Variants in EXOC6B observed in about 807,000 individuals in gnomAD.
EXOC6B encodes SEC15 homolog B.
EXOC6B carries 54 observed loss-of-function variants against 113.5 expected under a neutral mutation model. The ratio of observed to expected loss-of-function variants is 0.48; its 90% CI spans 0.38 to 0.60. The LOEUF (loss-of-function observed/expected upper bound fraction) is 0.60, where lower values mean the gene tolerates loss of function less well. EXOC6B is among the 20% of genes least tolerant of loss of function. EXOC6B has a pLI of 0.00. For synonymous variants in EXOC6B, 357 were observed against 339.0 expected, an observed-to-expected ratio of 1.05 and a Z score of -0.58; for missense variants, 797 against 977.5, an observed-to-expected ratio of 0.82 and a Z score of 2.46.
intron 19 of EXOC6B, among the ~76,000 whole-genome samples, chr2:72,346,076 T>C (rs7559116): frequency 0.21 from 32,270 of 151,934 alleles, 6,533 homozygotes; most frequent in African/African-American, 0.54. Context: ...CAAAGGTTTT[T>C]TTTTTAATAG....
chr2:72,758,096 G>C (rs542027375), intron 1 of EXOC6B, among the ~76,000 whole-genome samples: 1 of 150,032 alleles, frequency 6.7e-6, no homozygotes, highest in East Asian at 2.0e-4. Flanking sequence ...CTTACAGGTC[G>C]AGGCTGCAGT....
chr2:72,486,120 A>G (rs1262386499), intron 16 of EXOC6B, among the ~76,000 whole-genome samples: 2 of 152,198 alleles, frequency 1.3e-5, no homozygotes, highest in African/African-American at 4.8e-5. Context: ...CTGTAATCCC[A>G]GCACTTTGGG....
chr2:72,730,381 G>T (rs1680559166), intron 5 of EXOC6B, among the ~76,000 whole-genome samples: 1 of 152,106 alleles, frequency 6.6e-6, no homozygotes, highest in South Asian at 2.1e-4. Flanking sequence ...ACCTTAATAG[G>T]AAAAAGGCTG....
Position 72,178,514 on chromosome 2 carries a change from A to G in EXOC6B, c.*821T>C, listed in dbSNP as rs575413861. 6.6e-6 allele frequency: 1 copy of G among 151,974 alleles called. No individual in the cohort carries two copies. The highest frequency in any genetic ancestry group is 1.9e-4 in the East Asian group (1 of 5,184). 9.4% of individuals were successfully genotyped at this position (151,974 alleles called of 1,614,324 possible). On this transcript the variant is annotated 3_prime_UTR_variant, in exon 22 of 22. Transcript: ENST00000272427. Reference sequence around the variant, plus strand: ...GTCCTGAACCAAGTGCTCTGACTGTAAGTGAAGGAAATGAGATGAACAGGG... The same window carrying G: ...GTCCTGAACCAAGTGCTCTGACTGTGAGTGAAGGAAATGAGATGAACAGGG...
At chr2:72,230,216 T>C (rs1681531344) in intron 20 of EXOC6B, among the ~76,000 whole-genome samples, 1 of 152,218 alleles carries the variant, frequency 6.6e-6, no homozygotes, top group African/African-American at 2.4e-5. Flanking sequence ...ATTTATTTAC[T>C]ATGGAACTCC....
At chr2:72,756,483 T>A (rs949232698) in intron 1 of EXOC6B, among the ~76,000 whole-genome samples, 2 of 152,172 alleles carry the variant, frequency 1.3e-5, no homozygotes, top group African/African-American at 4.8e-5. Context: ...TACCAACTCA[T>A]ATGAAAAGCA....
rs566888275 is a variant in EXOC6B at position 72,385,546 on chromosome 2, G to C, written c.1981-5676C>G. ...CATCAAACTAAAAAGCTTCAGGACAGCAAAGGAAACAATCAAAAGTGTGAA... is the reference window on the plus strand; with the variant it reads ...CATCAAACTAAAAAGCTTCAGGACACCAAAGGAAACAATCAAAAGTGTGAA... On this transcript the variant is annotated intron_variant, in intron 18 of 21. Coordinates refer to ENST00000272427, the MANE Select transcript of EXOC6B (RefSeq NM_015189.3). Among the ~76,000 whole-genome samples the C allele has an allele frequency of 7.1e-4, 108 of 151,770 alleles. 1 individual carries two copies. Among genetic ancestry groups the C allele is most frequent in the Admixed American group, 1.2e-3 (19 of 15,226 alleles).
chr2:72,236,773 A>G (rs1254143433), intron 20 of EXOC6B, among the ~76,000 whole-genome samples: 2 of 152,064 alleles, frequency 1.3e-5, no homozygotes, highest in African/African-American at 4.8e-5. Context: ...TAGTGGGACA[A>G]GCAAAGAGGG....
At chr2:72,562,231 T>A (rs1364724348) in intron 7 of EXOC6B, among the ~76,000 whole-genome samples, 1 of 152,040 alleles carries the variant, frequency 6.6e-6, no homozygotes, top group Non-Finnish European at 1.5e-5. Flanking sequence ...GCAACATACA[T>A]TGGATGTGAA....
chr2:72,572,369 T>C lies in EXOC6B; in HGVS notation c.846+3123A>G, dbSNP rs534862351. On this transcript the variant is annotated intron_variant, in intron 7 of 21. Coordinates refer to ENST00000272427, the MANE Select transcript of EXOC6B (RefSeq NM_015189.3). Reference sequence around the variant, plus strand: ...CTTCCCAGGTGATTCCCATGCACATTAAATGTCAAGAAACATTGTTGGACA... The same window carrying C: ...CTTCCCAGGTGATTCCCATGCACATCAAATGTCAAGAAACATTGTTGGACA... Among the ~76,000 whole-genome samples, 6 of 152,290 alleles carry C rather than the reference T, an allele frequency of 3.9e-5. No individual in the cohort carries two copies. In the South Asian group the frequency reaches 1.0e-3, roughly 26 times the overall value.
At chr2:72,464,726 C>A in intron 18 of EXOC6B, 1 of 164,072 alleles carries the variant, frequency 6.1e-6, no homozygotes, top group Non-Finnish European at 1.3e-5. Context: ...AATTAATATG[C>A]TTAAGAAAAC....
chr2:72,723,398 T>A (rs184802916), intron 5 of EXOC6B, among the ~76,000 whole-genome samples: 31 of 152,222 alleles, frequency 2.0e-4, no homozygotes, highest in Admixed American at 1.7e-3. Context: ...ATAACAGACA[T>A]GGTTGAATGC....
chr2:72,499,842 G>T, intron 12 of EXOC6B, 59 bp downstream of exon 12: 1 of 1,216,104 alleles, frequency 8.2e-7, no homozygotes, highest in Non-Finnish European at 1.2e-6. Context: ...TCAAGAAAAA[G>T]GTTTAGAGCT....
intron 18 of EXOC6B, among the ~76,000 whole-genome samples, chr2:72,392,335 C>T (rs1309804041): frequency 6.6e-6 from 1 of 152,196 alleles, no homozygotes. Context: ...TGCAACTTCC[C>T]CTGGTGGCAT....
chr2:72,788,377 TCA>T (rs1296314957), intron 1 of EXOC6B, among the ~76,000 whole-genome samples: 1 of 152,244 alleles, frequency 6.6e-6, no homozygotes, highest in Non-Finnish European at 1.5e-5. Context: ...CAACACAGCA[TCA>T]GTGTTTCAAT....
At chr2:72,289,012 G>A (rs563421845) in intron 20 of EXOC6B, 26 of 264,806 alleles carry the variant, frequency 9.8e-5, no homozygotes, top group South Asian at 6.8e-4. Flanking sequence ...TAATAATCCC[G>A]CCAGTTTAGT....
chr2:72,254,129 C>A lies in EXOC6B; in HGVS notation c.2197-69942G>T, dbSNP rs559970041. On this transcript the variant is annotated intron_variant, in intron 20 of 21. Coordinates refer to ENST00000272427, the MANE Select transcript of EXOC6B (RefSeq NM_015189.3). The stretch of plus-strand genomic sequence containing the variant: ...GAGCCGAGATCACACCACTGCACTC[C>A]AGGCTGGGCGACAAAGCAAGACTCT... Among the ~76,000 whole-genome samples the A allele has an allele frequency of 3.3e-5, 5 of 151,968 alleles. No individual in the cohort carries two copies. The South Asian group carries it at 8.3e-4, about 25-fold the overall frequency.
intron 1 of EXOC6B, among the ~76,000 whole-genome samples, chr2:72,750,290 A>G (rs1681960083): frequency 1.3e-5 from 2 of 152,092 alleles, no homozygotes; most frequent in Non-Finnish European, 2.9e-5. Flanking sequence ...CTAAAACATA[A>G]TAAAGAACAA....
intron 6 of EXOC6B, among the ~76,000 whole-genome samples, chr2:72,663,871 T>C (rs1309328826): frequency 6.6e-6 from 1 of 152,126 alleles, no homozygotes; most frequent in Non-Finnish European, 1.5e-5. Context: ...AATGCATCAA[T>C]ATTGGCTCAT....
Sources: gnomAD v4.1 joint callset for allele counts (sites outside exome capture counted in the v4.1 genomes callset) on GRCh38, gnomAD v4.1.1 for gene constraint, MANE v1.5 for transcripts, NCBI Gene and HGNC (gene_info 2026-07-23, HGNC 2026-07-21) for gene names.